The following DAPL1 variants were observed in gnomAD, a reference collection of about 807,000 sequenced individuals.
DAPL1 encodes the protein death associated protein like 1.
DAPL1 carries 17 observed loss-of-function variants against 12.9 expected under a neutral mutation model. The ratio of observed to expected loss-of-function variants is 1.32; its 90% confidence interval spans 0.90 to 1.98. DAPL1 has a LOEUF of 1.98. DAPL1 is among the 30% of genes most tolerant of loss of function. DAPL1 has a pLI of 0.00. For missense variants in DAPL1, 157 were observed against 125.7 expected (o/e 1.25, Z -1.19); for synonymous variants, 51 against 42.0 (o/e 1.21, Z -0.82).
Position 158,804,575 on chromosome 2 carries a change from G to A in DAPL1, c.146+206G>A, listed in dbSNP as rs1322539942. Among the ~76,000 whole-genome samples, 3 of 152,146 alleles carry A rather than the reference G, an allele frequency of 2.0e-5. 1 individual carries two copies. The highest frequency in any genetic ancestry group is 1.5e-5 in the Non-Finnish European group (1 of 68,030). ...ACCCTCTGGAGGGATCCCTCTGAGAGGGCTCCCATCACGACCCCCACCCAT... is the reference window on the plus strand; with the variant it reads ...ACCCTCTGGAGGGATCCCTCTGAGAAGGCTCCCATCACGACCCCCACCCAT... On this transcript the variant is annotated intron_variant, in intron 2 of 3. Coordinates refer to ENST00000309950, the MANE Select transcript of DAPL1 (RefSeq NM_001017920.3).
Position 158,815,812 on chromosome 2 carries a change from A to G in DAPL1, c.315A>G (p.Arg105=), listed in dbSNP as rs1036966819. The part of the protein sequence containing the change: ...LKRIYIIQQP[R]KC ...GGATCTACATTATTCAGCAGCCTCGAAAATGTTAAGCCTGGATTTAAAACA... is the reference window on the plus strand; with the variant it reads ...GGATCTACATTATTCAGCAGCCTCGGAAATGTTAAGCCTGGATTTAAAACA... Residue 105 remains arginine (R), a synonymous_variant, in exon 4 of 4, where the codon CGA becomes CGG. Transcript: ENST00000309950. 6.2e-7 allele frequency: 1 copy of G among 1,610,190 alleles called. No homozygotes were observed. Among genetic ancestry groups the G allele is most frequent in the Non-Finnish European group, 8.5e-7 (1 of 1,176,470 alleles).
At chr2:158,797,501 A>G (rs1386658259) in intron 1 of DAPL1, among the ~76,000 whole-genome samples, 1 of 152,184 alleles carries the variant, frequency 6.6e-6, no homozygotes, top group African/African-American at 2.4e-5. Flanking sequence ...GTTAAAAATG[A>G]AATCACTCAG....
intron 2 of DAPL1, among the ~76,000 whole-genome samples, chr2:158,806,792 T>C (rs193206247): frequency 3.4e-4 from 51 of 151,434 alleles, no homozygotes; most frequent in African/African-American, 9.2e-4. Context: ...GCCGAGATCA[T>C]ACCATTGCAC....
At chr2:158,815,069 T>A (rs1331330163) in intron 3 of DAPL1, among the ~76,000 whole-genome samples, 1 of 152,254 alleles carries the variant, frequency 6.6e-6, no homozygotes, top group East Asian at 1.9e-4. Flanking sequence ...CAGCCTGTGT[T>A]AATAAGCCTA....
chr2:158,815,300 G>T (rs866114920), intron 3 of DAPL1, among the ~76,000 whole-genome samples: 1 of 152,158 alleles, frequency 6.6e-6, no homozygotes, highest in African/African-American at 2.4e-5. Flanking sequence ...TCTTTCAGAG[G>T]TTCTTTCTTT....
At chr2:158,805,864 A>T (rs1575227438) in intron 2 of DAPL1, among the ~76,000 whole-genome samples, 1 of 148,708 alleles carries the variant, frequency 6.7e-6, no homozygotes, top group Non-Finnish European at 1.5e-5. Flanking sequence ...TGCCCTAAGT[A>T]CCAGGGACAG....
chr2:158,802,652 T>C (rs917324057), intron 1 of DAPL1, among the ~76,000 whole-genome samples: 4 of 152,234 alleles, frequency 2.6e-5, no homozygotes, highest in African/African-American at 7.2e-5. Context: ...AGTCTTTACA[T>C]AGACAAGACC....
chr2:158,802,141 G>T (rs1273871221), intron 1 of DAPL1, among the ~76,000 whole-genome samples: 1 of 152,194 alleles, frequency 6.6e-6, no homozygotes, highest in Non-Finnish European at 1.5e-5. Flanking sequence ...AACAACAACT[G>T]TCATCATGGC....
chr2:158,804,724 G>T (rs1016987129), intron 2 of DAPL1, among the ~76,000 whole-genome samples: 2 of 152,198 alleles, frequency 1.3e-5, no homozygotes, highest in Non-Finnish European at 2.9e-5. Flanking sequence ...ATTGTTCCTA[G>T]GCTGGCCCTG....
In DAPL1 at chr2:158,815,804, C is replaced by T; in HGVS notation, c.307C>T (p.Gln103Ter). The T allele has an allele frequency of 6.2e-7, 1 of 1,612,212 alleles. No homozygotes were observed. The highest frequency in any genetic ancestry group is 8.5e-7 in the Non-Finnish European group (1 of 1,178,196). ...ACTGAAAAGGATCTACATTATTCAG[C>T]AGCCTCGAAAATGTTAAGCCTGGAT... The part of the protein sequence containing the change: ...VPLKRIYIIQ[Q>*]PRKC Residue 103 changes from glutamine (Q) to a stop codon, truncating the protein, a stop_gained, in exon 4 of 4, where the codon CAG becomes TAG. Transcript: ENST00000309950. LOFTEE classifies it high-confidence loss of function.
intron 1 of DAPL1, among the ~76,000 whole-genome samples, chr2:158,797,066 A>G (rs1013378234): frequency 6.6e-6 from 1 of 152,198 alleles, no homozygotes; most frequent in Non-Finnish European, 1.5e-5. Flanking sequence ...AAGTGCCAAA[A>G]TTCTGTTAAT....
intron 1 of DAPL1, among the ~76,000 whole-genome samples, chr2:158,796,374 A>G (rs1488996896): frequency 6.6e-6 from 1 of 152,128 alleles, no homozygotes; most frequent in Non-Finnish European, 1.5e-5. Context: ...AAAATGTAAC[A>G]TTGTTTTGGT....
intron 3 of DAPL1, among the ~76,000 whole-genome samples, chr2:158,809,363 A>AAAAAAAAAAAAAAG (rs2059218392): frequency 6.6e-6 from 1 of 151,172 alleles, no homozygotes; most frequent in East Asian, 1.9e-4. Flanking sequence ...ATCTCAAAAA[A>AAAAAAAAAAAAAAG]AAAAAGAAAT....
intron 3 of DAPL1, among the ~76,000 whole-genome samples, chr2:158,813,986 A>T (rs551997544): frequency 3.3e-5 from 5 of 152,072 alleles, no homozygotes; most frequent in Non-Finnish European, 5.9e-5. Flanking sequence ...TAATTGCCCA[A>T]ATTTCTGTTA....
chr2:158,795,389 A>G lies in DAPL1; in HGVS notation c.17A>G (p.Gln6Arg). The G allele has an allele frequency of 6.4e-7, 1 of 1,555,928 alleles. No homozygotes were observed. Among genetic ancestry groups the G allele is most frequent in the Non-Finnish European group, 8.7e-7 (1 of 1,149,392 alleles). MANEVQDLLSPRKGGH... is the reference protein window; with the variant it reads MANEVRDLLSPRKGGH... ...GCACACGCTATGGCAAATGAAGTGC[A>G]AGACCTGCTCTCCCCTCGGAAAGGG... The change falls in exon 1 of 4, where the codon CAA (glutamine) becomes CGA (arginine). Residue 6 changes from glutamine (Q) to arginine (R), a missense_variant. By Grantham distance (43) the Gln-to-Arg change is conservative. Transcript: ENST00000309950.
At chr2:158,808,679 A>G (rs2059214434) in intron 3 of DAPL1, among the ~76,000 whole-genome samples, 1 of 152,200 alleles carries the variant, frequency 6.6e-6, no homozygotes, top group South Asian at 2.1e-4. Context: ...GGGCTGGTGC[A>G]TGACACCCTG....
intron 3 of DAPL1, among the ~76,000 whole-genome samples, chr2:158,815,247 G>T (rs184666553): frequency 6.6e-6 from 1 of 152,148 alleles, no homozygotes; most frequent in Non-Finnish European, 1.5e-5. Context: ...AATAGCAAAT[G>T]TACACACTTA....
chr2:158,807,262 A>AAC, intron 3 of DAPL1, 147 bp downstream of exon 3: 2 of 480,470 alleles, frequency 4.2e-6, no homozygotes, highest in East Asian at 6.5e-5. Context: ...TGTCAGAGGA[A>AAC]CACAAAGTGA....
chr2:158,797,556 C>T (rs1359524257), intron 1 of DAPL1, among the ~76,000 whole-genome samples: 6 of 152,166 alleles, frequency 3.9e-5, no homozygotes, highest in African/African-American at 1.4e-4. Context: ...CTTTGGGAGG[C>T]CGAGGTGGGT....
Sources: allele counts gnomAD v4.1 joint callset (sites outside exome capture counted in the v4.1 genomes callset), GRCh38; gene constraint gnomAD v4.1.1; transcripts MANE v1.5; gene names NCBI Gene and HGNC (gene_info 2026-07-23, HGNC 2026-07-21).